The following MECOM variants were observed in gnomAD, a reference collection of about 807,000 sequenced individuals.
MECOM encodes the protein MDS1 and EVI1 complex locus.
Under a neutral mutation model 116.3 loss-of-function variants are expected in MECOM, and 13 were observed. The ratio of observed to expected loss-of-function variants is 0.11; its 90% CI spans 0.07 to 0.18. The LOEUF (loss-of-function observed/expected upper bound fraction) is 0.18, where lower values mean the gene tolerates loss of function less well. Among genes scored for constraint, MECOM ranks in the 10% least tolerant of loss-of-function variants. The probability of loss-of-function intolerance (pLI) is 1.00; values close to 1 mark genes in which losing one functional copy is unlikely to be tolerated. For synonymous variants in MECOM, 528 were observed against 535.2 expected (o/e 0.99, Z 0.19); for missense variants, 1,299 against 1,509.0 (o/e 0.86, Z 2.31).
At chr3:169,408,685 A>G (rs1184826006) in intron 1 of MECOM, among the ~76,000 whole-genome samples, 1 of 152,180 alleles carries the variant, frequency 6.6e-6, no homozygotes, top group African/African-American at 2.4e-5. Flanking sequence ...AGACTACAGA[A>G]ATAGTAAAAA....
At chr3:169,618,728 T>C (rs914466434) in intron 1 of MECOM, among the ~76,000 whole-genome samples, 2 of 152,322 alleles carry the variant, frequency 1.3e-5, no homozygotes, top group South Asian at 2.1e-4. Flanking sequence ...AATTTCACCA[T>C]GGCTTACACC....
chr3:169,266,225 T>C (rs549096806), intron 2 of MECOM, among the ~76,000 whole-genome samples: 36 of 152,312 alleles, frequency 2.4e-4, no homozygotes, highest in African/African-American at 8.4e-4. Context: ...ATAAATCTCA[T>C]GACCAATGAG....
intron 2 of MECOM, among the ~76,000 whole-genome samples, chr3:169,193,842 T>C (rs1184468931): frequency 6.6e-6 from 1 of 151,992 alleles, no homozygotes; most frequent in African/African-American, 2.4e-5. Flanking sequence ...TATAGTTAAG[T>C]GTTACATGTT....
intron 1 of MECOM, among the ~76,000 whole-genome samples, chr3:169,562,483 G>T (rs772122379): frequency 6.6e-6 from 1 of 152,126 alleles, no homozygotes; most frequent in Non-Finnish European, 1.5e-5. Context: ...AGATTGCAGC[G>T]TATTATGGTG....
At chr3:169,663,244 G>A in intron 1 of MECOM, 92 bp downstream of exon 1, 7 of 1,472,242 alleles carry the variant, frequency 4.8e-6, no homozygotes, top group Non-Finnish European at 3.7e-6. Context: ...GGCGCAAGAG[G>A]CAGCCCGCGC....
intron 2 of MECOM, among the ~76,000 whole-genome samples, chr3:169,352,710 A>T (rs147601560): frequency 6.6e-6 from 1 of 152,036 alleles, no homozygotes; most frequent in African/African-American, 2.4e-5. Flanking sequence ...AGTAAAGACA[A>T]ACCAACTTCA....
chr3:169,444,434 G>A (rs1299440004), intron 1 of MECOM, among the ~76,000 whole-genome samples: 1 of 152,118 alleles, frequency 6.6e-6, no homozygotes, highest in Non-Finnish European at 1.5e-5. Flanking sequence ...TTATTCTCGT[G>A]ATAGTGAATA....
chr3:169,436,454 T>C (rs1742667280), intron 1 of MECOM, among the ~76,000 whole-genome samples: 1 of 152,114 alleles, frequency 6.6e-6, no homozygotes, highest in Admixed American at 6.6e-5. Flanking sequence ...TTCTCTGTGC[T>C]GGTCAGGCTG....
chr3:169,533,507 C>T (rs6791548), intron 1 of MECOM, among the ~76,000 whole-genome samples: 63,571 of 150,828 alleles, frequency 0.42, 14,927 homozygotes, highest in African/African-American at 0.64. Flanking sequence ...TGGAGGGGGA[C>T]GTGTAAGGTA....
chr3:169,184,798 G>A (rs1211712674), intron 2 of MECOM, among the ~76,000 whole-genome samples: 3 of 152,172 alleles, frequency 2.0e-5, no homozygotes, highest in Non-Finnish European at 4.4e-5. Flanking sequence ...AAATGGAAAG[G>A]AGACCATTTA....
intron 1 of MECOM, among the ~76,000 whole-genome samples, chr3:169,517,481 T>A (rs1475199882): frequency 1.3e-5 from 2 of 152,192 alleles, no homozygotes; most frequent in Non-Finnish European, 2.9e-5. Context: ...AAAAAGATAT[T>A]GCTAGCTTGT....
At chr3:169,661,438 G>A (rs1776273638) in intron 1 of MECOM, among the ~76,000 whole-genome samples, 1 of 151,994 alleles carries the variant, frequency 6.6e-6, no homozygotes, top group Non-Finnish European at 1.5e-5. Context: ...AAAGCAAACA[G>A]GGAAAACAGT....
chr3:169,439,465 A>G (rs1334130137), intron 1 of MECOM, among the ~76,000 whole-genome samples: 2 of 151,950 alleles, frequency 1.3e-5, no homozygotes, highest in Non-Finnish European at 2.9e-5. Context: ...AAAATAGGCC[A>G]TAGACATAAA....
rs183343473 is a variant in MECOM at position 169,180,590 on chromosome 3, T to C, written c.376-36758A>G. Among the ~76,000 whole-genome samples, 545 of 151,960 alleles carry C rather than the reference T, an allele frequency of 3.6e-3. 4 individuals carry two copies. Among genetic ancestry groups the C allele is most frequent in the Non-Finnish European group, 5.5e-3 (371 of 67,914 alleles). ...AAACTTCAAATAGAGTTTTTAAAGA[T>C]CCTGAGTATTTGAGTTGCATGAGAC... On this transcript the variant is annotated intron_variant, in intron 2 of 16. Coordinates refer to ENST00000651503, the MANE Select transcript of MECOM (RefSeq NM_004991.4).
intron 1 of MECOM, among the ~76,000 whole-genome samples, chr3:169,486,499 TC>T (rs2108892325): frequency 6.6e-6 from 1 of 152,068 alleles, no homozygotes; most frequent in Admixed American, 6.6e-5. Flanking sequence ...ATGATCAGAA[TC>T]TCCTTTGAGA....
chr3:169,660,653 G>A (rs1776163193), intron 1 of MECOM, among the ~76,000 whole-genome samples: 2 of 152,050 alleles, frequency 1.3e-5, no homozygotes, highest in South Asian at 4.2e-4. Context: ...TTAAAGTATT[G>A]TAGTCACAAC....
At chr3:169,659,880 T>A (rs1355647224) in intron 1 of MECOM, among the ~76,000 whole-genome samples, 1 of 152,106 alleles carries the variant, frequency 6.6e-6, no homozygotes, top group Admixed American at 6.5e-5. Context: ...AGCCTTTTTT[T>A]AAACAGAGAG....
At chr3:169,502,811 G>A (rs1036248958) in intron 1 of MECOM, among the ~76,000 whole-genome samples, 1 of 152,090 alleles carries the variant, frequency 6.6e-6, no homozygotes. Flanking sequence ...TTAGAAAAAT[G>A]CCACTCATTT....
intron 1 of MECOM, among the ~76,000 whole-genome samples, chr3:169,480,339 C>T (rs987374903): frequency 1.4e-5 from 2 of 146,274 alleles, no homozygotes; most frequent in South Asian, 2.3e-4. Context: ...TCAAGTACTA[C>T]TGGAGTACTT....
Sources: allele counts gnomAD v4.1 joint callset (sites outside exome capture counted in the v4.1 genomes callset), GRCh38; gene constraint gnomAD v4.1.1; transcripts MANE v1.5; gene names NCBI Gene and HGNC (gene_info 2026-07-23, HGNC 2026-07-21).